DSP: variants seen among roughly 807,000 people sequenced by gnomAD.
DSP encodes the protein desmoplakin.
A neutral mutation model predicts 290.6 loss-of-function variants in DSP; 114 were observed. That is an observed-to-expected ratio of 0.39 (90% CI 0.34 to 0.46). DSP has a LOEUF of 0.46. Ranked by LOEUF, DSP falls within the 20% of genes least tolerant of loss-of-function variation. The pLI is 0.99. For synonymous variants in DSP, 1,311 were observed against 1,316.4 expected, an observed-to-expected ratio of 1.00 and a Z score of 0.09; for missense variants, 3,230 against 3,495.8, an observed-to-expected ratio of 0.92 and a Z score of 1.92.
intron 1 of DSP, among the ~76,000 whole-genome samples, chr6:7,547,890 C>T (rs549594060): frequency 2.6e-5 from 4 of 152,284 alleles, no homozygotes; most frequent in Non-Finnish European, 4.4e-5. Flanking sequence ...TCCTTTTCCT[C>T]TTTCTCTTTT....
intron 1 of DSP, among the ~76,000 whole-genome samples, chr6:7,550,795 C>CT (rs1356712048): frequency 1.6e-3 from 229 of 140,488 alleles, no homozygotes; most frequent in African/African-American, 3.5e-3. Flanking sequence ...TTTTCTTTTT[C>CT]TTTTTTTTTT....
At position 7,583,002 on chromosome 6, in the gene DSP, A is replaced by G; in HGVS notation, c.5740A>G (p.Arg1914Gly). Residue 1914 changes from arginine to glycine, a missense_variant, in exon 24 of 24, where the codon AGG (arginine) becomes GGG (glycine). By Grantham distance (125) the Arg-to-Gly change is moderately radical (BLOSUM62 -2). Around this residue, in one of 5 missense-constraint regions of DSP, gnomAD observed 1,714 missense variants for 1,844.5 expected, o/e 0.93. Transcript: ENST00000379802. The surrounding 1 kb of genome is among the most constrained non-coding windows in gnomAD (Gnocchi z 4.0). ...GATCAAGAGAATTGAAGAGAGGTGCAGGCGTAAGCTGGAGGATTCTACCAG... is the reference window on the plus strand; with the variant it reads ...GATCAAGAGAATTGAAGAGAGGTGCGGGCGTAAGCTGGAGGATTCTACCAG... ...AEIKRIEERC[R>G]RKLEDSTRET... 3 of 1,614,158 alleles carry G rather than the reference A, an allele frequency of 1.9e-6. No homozygotes were observed. Among genetic ancestry groups the G allele is most frequent in the Non-Finnish European group, 2.5e-6 (3 of 1,180,028 alleles).
intron 1 of DSP, among the ~76,000 whole-genome samples, chr6:7,545,195 T>G (rs1219247879): frequency 6.6e-6 from 1 of 152,240 alleles, no homozygotes; most frequent in Admixed American, 6.5e-5. Flanking sequence ...ATTTCAAAAC[T>G]GAGATACGTG....
Position 7,541,741 on chromosome 6 carries a change from C to A in DSP, c.-175C>A. 1.3e-6 allele frequency: 1 copy of A among 782,378 alleles called. No individual in the cohort carries two copies. Among genetic ancestry groups the A allele is most frequent in the Non-Finnish European group, 1.9e-6 (1 of 521,276 alleles). The allele number at this position is 782,378 out of a possible 1,614,324, so 48.5% of individuals were successfully genotyped here. A position where few individuals can be genotyped will look rare whatever the true frequency, so the allele number is the denominator to read the frequency against. On this transcript the variant is annotated 5_prime_UTR_variant, in exon 1 of 24. Coordinates refer to ENST00000379802, the MANE Select transcript of DSP (RefSeq NM_004415.4). ...CCTGCCCCCGGCCCGTCGCCGTCTC[C>A]GCGCTCGCAGCGGCCTCGGGAGGGC...
Position 7,568,608 on chromosome 6 carries a change from T to G in DSP, c.1419+19T>G. On this transcript the variant is annotated intron_variant, in intron 11 of 23. Transcript: ENST00000379802. ...AGATCAGGTGTGTACTCATTTAGAATGATACAAAAGTTTTCCCTGTCTTTA... is the reference window on the plus strand; with the variant it reads ...AGATCAGGTGTGTACTCATTTAGAAGGATACAAAAGTTTTCCCTGTCTTTA... 1 of 1,613,252 alleles carries G rather than the reference T, an allele frequency of 6.2e-7. No individual in the cohort carries two copies. The highest frequency in any genetic ancestry group is 8.5e-7 in the Non-Finnish European group (1 of 1,179,964).
rs1470983327 is a variant in DSP at position 7,583,303 on chromosome 6, G to A, written c.6041G>A (p.Gly2014Asp). 1.2e-6 allele frequency: 2 copies of A among 1,614,086 alleles called. No homozygotes were observed. Among genetic ancestry groups the A allele is most frequent in the South Asian group, 1.1e-5 (1 of 91,082 alleles). Residue 2014 changes from glycine (G) to aspartate (D), a missense_variant, in exon 24 of 24, where the codon GGT becomes GAT. Physicochemically the swap from Gly to Asp is moderately conservative, Grantham distance 94. Around this residue, in one of 5 missense-constraint regions of DSP, gnomAD observed 1,714 missense variants for 1,844.5 expected, o/e 0.93. Transcript: ENST00000379802. The surrounding 1 kb of genome is among the most constrained non-coding windows in gnomAD (Gnocchi z 4.0). Reference sequence around the variant, plus strand: ...TCTGAAATCCAGCCATTCCTTCGGGGTGCAGGATCTATCGCTGGAGCATCT... The same window carrying A: ...TCTGAAATCCAGCCATTCCTTCGGGATGCAGGATCTATCGCTGGAGCATCT... Reference protein sequence around the residue: ...VASEIQPFLRGAGSIAGASAS... With the variant: ...VASEIQPFLRDAGSIAGASAS...
rs1757982974 is a variant in DSP, at chr6:7,541,856, C to T, written c.-60C>T. 30 of 1,546,812 alleles carry T rather than the reference C, an allele frequency of 1.9e-5. 1 individual carries two copies. The South Asian group carries it at 3.5e-4, about 18-fold the overall frequency. ...TATCCTTGGCCCCCTCCGCTTTCTC[C>T]GCGCCGGCCCGCCTCGCTTATGCCT... On this transcript the variant is annotated 5_prime_UTR_variant, in exon 1 of 24. Coordinates refer to ENST00000379802, the MANE Select transcript of DSP (RefSeq NM_004415.4).
chr6:7,577,849 C>A lies in DSP; in HGVS notation c.2948C>A (p.Thr983Asn). ...ETLLNIPIKR[T>N]MIQSPSGVIL... ...CTGCTGAACATACCTATCAAGAGGA[C>A]CATGATTCAGTCCCCTTCTGGGGTG... Residue 983 changes from threonine (T) to asparagine (N), a missense_variant, in exon 21 of 24, where the codon ACC (threonine) becomes AAC (asparagine). By Grantham distance (65) the Thr-to-Asn change is moderately conservative. Coordinates refer to ENST00000379802, the MANE Select transcript of DSP (RefSeq NM_004415.4). 2.5e-6 allele frequency: 4 copies of A among 1,614,152 alleles called. No homozygotes were observed. Among genetic ancestry groups the A allele is most frequent in the Non-Finnish European group, 3.4e-6 (4 of 1,180,018 alleles).
intron 9 of DSP, 87 bp downstream of exon 9, chr6:7,567,536 C>A: frequency 1.5e-6 from 2 of 1,308,574 alleles, no homozygotes; most frequent in Non-Finnish European, 2.2e-6. Flanking sequence ...TGAAAATAAT[C>A]TTCAAAATGT....
intron 10 of DSP, 73 bp from the exon 11 acceptor site, chr6:7,568,364 A>T: frequency 1.3e-6 from 2 of 1,524,760 alleles, no homozygotes; most frequent in East Asian, 2.3e-5. Flanking sequence ...TAGCTACATT[A>T]ATGCAGGTTG....
rs1391409186 is a variant in DSP at position 7,583,165 on chromosome 6, T to C, written c.5903T>C (p.Phe1968Ser). The change falls in exon 24 of 24, where the codon TTT becomes TCT. Residue 1968 changes from phenylalanine (F) to serine (S), a missense_variant. Coordinates refer to ENST00000379802, the MANE Select transcript of DSP (RefSeq NM_004415.4). This position sits in a 1 kb window ranked among gnomAD's most constrained non-coding sequence, Gnocchi z 4.0. ...EWTVDTSKLV[F>S]DGLRKKVTAM... ...ACCGTTGACACCTCCAAGCTGGTGT[T>C]TGATGGGCTGAGGAAGAAGGTGACA... The C allele has an allele frequency of 3.7e-6, 6 of 1,613,912 alleles. No individual in the cohort carries two copies. In the South Asian group the frequency reaches 5.5e-5, roughly 15 times the overall value.
chr6:7,566,436 T>A lies in DSP; in HGVS notation c.999T>A (p.Ser333Arg). The A allele has an allele frequency of 1.2e-6, 2 of 1,613,994 alleles. No individual in the cohort carries two copies. The highest frequency in any genetic ancestry group is 1.7e-6 in the Non-Finnish European group (2 of 1,180,018). The change falls in exon 8 of 24, where the codon AGT (serine) becomes AGA (arginine). Residue 333 changes from serine to arginine, a missense_variant. Physicochemically the swap from Ser to Arg is moderately radical, Grantham distance 110. Coordinates refer to ENST00000379802, the MANE Select transcript of DSP (RefSeq NM_004415.4). ...EKELNKLKQESDQLVLNQHPA... is the reference protein window; with the variant it reads ...EKELNKLKQERDQLVLNQHPA... ...AGCTCAATAAGCTGAAACAAGAAAG[T>A]GACCAACTTGTCCTCAATCAGCATC...
Position 7,565,754 on chromosome 6 carries a change from G to T in DSP, c.939+234G>T. The T allele has an allele frequency of 1.9e-6, 1 of 536,146 alleles. No individual in the cohort carries two copies. The highest frequency in any genetic ancestry group is 3.3e-6 in the Non-Finnish European group (1 of 298,604). The allele number at this position is 536,146 out of a possible 1,614,324, so 33.2% of individuals were successfully genotyped here. A position where few individuals can be genotyped will look rare whatever the true frequency, so the allele number is the denominator to read the frequency against. On this transcript the variant is annotated intron_variant, in intron 7 of 23. Coordinates refer to ENST00000379802, the MANE Select transcript of DSP (RefSeq NM_004415.4). The surrounding 1 kb of genome is among the most constrained non-coding windows in gnomAD (Gnocchi z 4.2). ...CCAAATACCACATGTTCTCACTTAG[G>T]AGTGGGAACTAAATGATGAGAATAC... is the stretch of plus-strand genomic sequence containing the variant.
rs771974957 is a variant in DSP, at chr6:7,583,317, G to A, written c.6055G>A (p.Ala2019Thr). ...ATTCCTTCGGGGTGCAGGATCTATC[G>A]CTGGAGCATCTGCTTCTCCTAAGGA... is the stretch of plus-strand genomic sequence containing the variant. ...QPFLRGAGSIAGASASPKEKY... is the reference protein window; with the variant it reads ...QPFLRGAGSITGASASPKEKY... Residue 2019 changes from alanine to threonine, a missense_variant, in exon 24 of 24, where the codon GCT becomes ACT. Coordinates refer to ENST00000379802, the MANE Select transcript of DSP (RefSeq NM_004415.4). The surrounding 1 kb of genome is among the most constrained non-coding windows in gnomAD (Gnocchi z 4.0). The A allele has an allele frequency of 1.5e-5, 25 of 1,614,042 alleles. No individual in the cohort carries two copies. The highest frequency in any genetic ancestry group is 4.5e-5 in the East Asian group (2 of 44,900).
intron 1 of DSP, among the ~76,000 whole-genome samples, chr6:7,550,910 C>A (rs1181926404): frequency 6.6e-6 from 1 of 151,504 alleles, no homozygotes; most frequent in Non-Finnish European, 1.5e-5. Context: ...ATTTGAAAAT[C>A]TTTCAACCCC....
Position 7,579,835 on chromosome 6 carries a change from C to T in DSP, c.3645C>T (p.Asn1215=). The T allele has an allele frequency of 6.2e-7, 1 of 1,614,130 alleles. No individual in the cohort carries two copies. The highest frequency in any genetic ancestry group is 8.5e-7 in the Non-Finnish European group (1 of 1,180,032). The part of the protein sequence containing the change: ...NLRNKYETEI[N]ITKTTIKEIS... ...GGAACAAGTATGAAACAGAGATTAA[C>T]ATTACGAAGACCACCATCAAGGAGA... Residue 1215 remains asparagine (N), a synonymous_variant, in exon 23 of 24, where the codon AAC becomes AAT. Coordinates refer to ENST00000379802, the MANE Select transcript of DSP (RefSeq NM_004415.4). This position sits in a 1 kb window ranked among gnomAD's most constrained non-coding sequence, Gnocchi z 4.1.
Position 7,541,761 on chromosome 6 carries a change from G to T in DSP, c.-155G>T. 1 of 941,462 alleles carries T rather than the reference G, an allele frequency of 1.1e-6. No homozygotes were observed. The highest frequency in any genetic ancestry group is 1.5e-6 in the Non-Finnish European group (1 of 664,906). The allele number at this position is 941,462 out of a possible 1,614,324, so 58.3% of individuals were successfully genotyped here. A position where few individuals can be genotyped will look rare whatever the true frequency, so the allele number is the denominator to read the frequency against. ...GTCTCCGCGCTCGCAGCGGCCTCGG[G>T]AGGGCCCAGGTAGCGAGCAGCGACC... is the stretch of plus-strand genomic sequence containing the variant. On this transcript the variant is annotated 5_prime_UTR_variant, in exon 1 of 24. Transcript: ENST00000379802.
intron 18 of DSP, 90 bp downstream of exon 18, chr6:7,575,578 A>C: frequency 1.3e-6 from 2 of 1,519,208 alleles, no homozygotes; most frequent in Non-Finnish European, 1.8e-6. Context: ...ACTGAAGAAA[A>C]CAGAGGTTTT....
chr6:7,556,729 T>C (rs12207400), intron 2 of DSP, among the ~76,000 whole-genome samples: 1 of 152,140 alleles, frequency 6.6e-6, no homozygotes, highest in African/African-American at 2.4e-5. Context: ...CTTCATCCAG[T>C]TAAAAAAAGA....
Sources: allele counts gnomAD v4.1 joint callset (sites outside exome capture counted in the v4.1 genomes callset), GRCh38; gene constraint gnomAD v4.1.1; regional missense constraint gnomAD v4.1.1; non-coding constraint Gnocchi (gnomAD v3.1); transcripts MANE v1.5; gene names NCBI Gene and HGNC (gene_info 2026-07-23, HGNC 2026-07-21).